ZNF335: variants seen among roughly 807,000 people sequenced by gnomAD.
The protein encoded by ZNF335 is zinc finger protein 335, also known as NRC-interacting factor 1.
A neutral mutation model predicts 145.6 loss-of-function variants in ZNF335; 84 were observed. The observed-to-expected ratio is 0.58, with a 90% CI of 0.48 to 0.69. The LOEUF (loss-of-function observed/expected upper bound fraction) is 0.69. Among genes scored for constraint, ZNF335 ranks in the 30% least tolerant of loss-of-function variants. The probability of loss-of-function intolerance (pLI) is 0.00; values close to 1 mark genes in which losing one functional copy is unlikely to be tolerated. For missense variants in ZNF335, 1,865 were observed against 1,809.7 expected (o/e 1.03, Z -0.55); for synonymous variants, 761 against 717.0 (o/e 1.06, Z -0.98).
In ZNF335 at chr20:45,962,317, C is replaced by T. The variant is rs1304421864; in HGVS notation, c.1534-135G>A. The T allele has an allele frequency of 7.2e-6, 5 of 693,108 alleles. No individual in the cohort carries two copies. In the African/African-American group the frequency reaches 8.9e-5, roughly 12 times the overall value. The allele number at this position is 693,108 out of a possible 1,614,324, so 42.9% of individuals were successfully genotyped here. A position where few individuals can be genotyped will look rare whatever the true frequency, so the allele number is the denominator to read the frequency against. ...GAACACAGGCATGTGGACAACACAC[C>T]CCGACGCAAGGGTCAAAACCTAGGA... On this transcript the variant is annotated intron_variant, in intron 9 of 27. Transcript: ENST00000322927.
chr20:45,951,623 C>G (rs745441956), intron 20 of ZNF335, among the ~76,000 whole-genome samples: 5 of 152,220 alleles, frequency 3.3e-5, no homozygotes, highest in Non-Finnish European at 7.3e-5. Context: ...CACAATGGGG[C>G]TGTGCTCCTG....
intron 23 of ZNF335, 33 bp downstream of exon 23, chr20:45,949,933 G>A (rs763642608): frequency 1.2e-5 from 20 of 1,613,838 alleles, no homozygotes; most frequent in East Asian, 4.5e-5. Context: ...CCTGCCTGTC[G>A]CTGGCCAGAG....
intron 1 of ZNF335, 84 bp downstream of exon 1, chr20:45,972,038 G>A: frequency 7.2e-6 from 9 of 1,251,304 alleles, no homozygotes; most frequent in Non-Finnish European, 9.3e-6. Context: ...GCCGGCCTGG[G>A]ACCTCGCCTC....
intron 15 of ZNF335, 34 bp from the exon 16 acceptor site, chr20:45,957,962 G>GGCCAGCCCAGATTCAAGT: frequency 6.3e-7 from 1 of 1,580,252 alleles, no homozygotes; most frequent in Non-Finnish European, 8.7e-7. Flanking sequence ...GCCTGAGAGG[G>GGCCAGCCCAGATTCAAGT]GCCAGCCCAG....
intron 20 of ZNF335, among the ~76,000 whole-genome samples, 186 bp from the exon 21 acceptor site, chr20:45,950,781 T>A (rs2083616912): frequency 6.6e-6 from 1 of 152,214 alleles, no homozygotes; most frequent in African/African-American, 2.4e-5. Context: ...TGCTGTGTCC[T>A]AAGAATGAAA....
intron 6 of ZNF335, chr20:45,967,011 G>C (rs2083967931): frequency 5.6e-6 from 1 of 179,814 alleles, no homozygotes; most frequent in African/African-American, 2.4e-5. Context: ...ACCACAACAG[G>C]CTAATTTTTG....
At chr20:45,952,082 G>A in intron 20 of ZNF335, 65 bp downstream of exon 20, 1 of 1,524,322 alleles carries the variant, frequency 6.6e-7, no homozygotes, top group Non-Finnish European at 8.8e-7. Flanking sequence ...ACTCATTAAA[G>A]GTTTGTTATA....
chr20:45,951,600 C>T (rs184810095), intron 20 of ZNF335, among the ~76,000 whole-genome samples: 23 of 152,320 alleles, frequency 1.5e-4, no homozygotes, highest in Admixed American at 6.5e-4. Context: ...CTAGATTACT[C>T]GTATGCACAG....
chr20:45,961,895 T>C (rs966713081), intron 10 of ZNF335, 175 bp downstream of exon 10: 1 of 606,474 alleles, frequency 1.6e-6, no homozygotes, highest in Middle Eastern at 4.5e-4. Context: ...TACTGTCCTG[T>C]TCTAAGCCAA....
At chr20:45,959,611 G>A (rs1482887045) in intron 14 of ZNF335, among the ~76,000 whole-genome samples, 178 bp from the exon 15 acceptor site, 1 of 152,160 alleles carries the variant, frequency 6.6e-6, no homozygotes, top group Non-Finnish European at 1.5e-5. Context: ...ATGAATCAGG[G>A]CCGCCCTCTG....
rs758755008 is a variant in ZNF335 at position 45,953,650 on chromosome 20, C to CA, written c.2702+38dup. 5.0e-6 allele frequency: 8 copies of CA among 1,605,956 alleles called. No homozygotes were observed. The South Asian group carries it at 5.5e-5, about 11-fold the overall frequency. ...AAATCGGACCGACCGACCACACCTA[C>CA]AAAAAGCTGAAAGGGGCCTTGCAGG... On this transcript the variant is annotated intron_variant, in intron 18 of 27. Transcript: ENST00000322927.
At position 45,948,804 on chromosome 20, in the gene ZNF335, A is replaced by G; in HGVS notation, c.*149T>C. ...GGGGCCCATGGCTGCCCCTAACCCCAACAGCACAGGTCTGGCTCCCTGGGA... is the reference window on the plus strand; with the variant it reads ...GGGGCCCATGGCTGCCCCTAACCCCGACAGCACAGGTCTGGCTCCCTGGGA... On this transcript the variant is annotated 3_prime_UTR_variant, in exon 28 of 28. Transcript: ENST00000322927. 1 of 1,333,760 alleles carries G rather than the reference A, an allele frequency of 7.5e-7. No individual in the cohort carries two copies. Among genetic ancestry groups the G allele is most frequent in the Non-Finnish European group, 1.0e-6 (1 of 963,238 alleles). The allele number at this position is 1,333,760 out of a possible 1,614,324, so 82.6% of individuals were successfully genotyped here. A position where few individuals can be genotyped will look rare whatever the true frequency, so the allele number is the denominator to read the frequency against.
chr20:45,965,757 G>A lies in ZNF335; in HGVS notation c.973C>T (p.Pro325Ser). ...DDLEEDSDYN[P>S]AEDEPRGRQL... Reference sequence around the variant, plus strand: ...CGGCCTCGGGGCTCATCCTCAGCTGGATTATAGTCGCTATCCTCTGTGGGG... The same window carrying A: ...CGGCCTCGGGGCTCATCCTCAGCTGAATTATAGTCGCTATCCTCTGTGGGG... The change falls in exon 7 of 28, where the codon CCA (proline) becomes TCA (serine). Residue 325 changes from proline (P) to serine (S), a missense_variant. Pro to Ser is a moderately conservative substitution (Grantham distance 74, BLOSUM62 -1). Transcript: ENST00000322927. 6.2e-7 allele frequency: 1 copy of A among 1,604,914 alleles called. No individual in the cohort carries two copies. Among genetic ancestry groups the A allele is most frequent in the Non-Finnish European group, 8.5e-7 (1 of 1,175,838 alleles).
In ZNF335 at chr20:45,949,173, T is replaced by C; in HGVS notation, c.3898A>G (p.Thr1300Ala). The C allele has an allele frequency of 6.2e-7, 1 of 1,613,722 alleles. No homozygotes were observed. The highest frequency in any genetic ancestry group is 8.5e-7 in the Non-Finnish European group (1 of 1,179,964). Residue 1300 changes from threonine (T) to alanine (A), a missense_variant, in exon 27 of 28, where the codon ACA becomes GCA. Physicochemically the swap from Thr to Ala is moderately conservative, Grantham distance 58. Transcript: ENST00000322927. ...QLEAAAHSAV[T>A]AVADAAMAQA... ...TCCTCAGGATCCAGCTCCATACCTGTGACAGCTGAGTGTGCTGCAGCCTCA... is the reference window on the plus strand; with the variant it reads ...TCCTCAGGATCCAGCTCCATACCTGCGACAGCTGAGTGTGCTGCAGCCTCA...
At chr20:45,968,108 G>A in intron 4 of ZNF335, 81 bp from the exon 5 acceptor site, 1 of 1,572,460 alleles carries the variant, frequency 6.4e-7, no homozygotes, top group Non-Finnish European at 8.7e-7. Context: ...CTCCCAGGCA[G>A]GCCCAGGGAG....
At chr20:45,956,320 C>G (rs2083728243) in intron 17 of ZNF335, among the ~76,000 whole-genome samples, 1 of 151,976 alleles carries the variant, frequency 6.6e-6, no homozygotes, top group African/African-American at 2.4e-5. Flanking sequence ...CCTCCGCCTC[C>G]TGGGTTCAAG....
intron 9 of ZNF335, among the ~76,000 whole-genome samples, chr20:45,962,801 G>GTTTTTTTT (rs1445107629): frequency 3.2e-5 from 3 of 93,554 alleles, no homozygotes; most frequent in African/African-American, 4.8e-5. Flanking sequence ...AAAAGGAACC[G>GTTTTTTTT]TTTTTTTTTT....
rs769014345 is a variant in ZNF335 at position 45,967,648 on chromosome 20, G to A, written c.815-14C>T. The stretch of plus-strand genomic sequence containing the variant: ...CGGCTGCTGCTACTGGAAGTGGAGG[G>A]AGGGTAAGACAAGCTTGCCATGTCT... On this transcript the variant is annotated splice_polypyrimidine_tract_variant and intron_variant, in intron 5 of 27. Transcript: ENST00000322927. The A allele has an allele frequency of 3.7e-6, 6 of 1,613,602 alleles. No homozygotes were observed. The Admixed American group carries it at 1.0e-4, about 27-fold the overall frequency.
chr20:45,967,674 G>A (rs1162961032), intron 5 of ZNF335, 40 bp from the exon 6 acceptor site: 1 of 1,611,032 alleles, frequency 6.2e-7, no homozygotes, highest in Non-Finnish European at 8.5e-7. Flanking sequence ...TGCCATGTCT[G>A]GCTCCCAGCA....
Sources: gnomAD v4.1 joint callset for allele counts (sites outside exome capture counted in the v4.1 genomes callset) on GRCh38, gnomAD v4.1.1 for gene constraint, MANE v1.5 for transcripts, NCBI Gene and HGNC (gene_info 2026-07-23, HGNC 2026-07-21) for gene names.